GALNT17: variants seen among roughly 807,000 people sequenced by gnomAD.
GALNT17 encodes polypeptide N-acetylgalactosaminyltransferase 17.
A neutral mutation model predicts 63.7 loss-of-function variants in GALNT17; 29 were observed. The observed-to-expected ratio is 0.46, with a 90% CI of 0.34 to 0.62. GALNT17 has a LOEUF of 0.62. GALNT17 is among the 20% of genes least tolerant of loss of function. The pLI is 0.01. For synonymous variants in GALNT17, 305 were observed against 318.3 expected, an observed-to-expected ratio of 0.96 and a Z score of 0.45; for missense variants, 603 against 799.6, an observed-to-expected ratio of 0.75 and a Z score of 2.97.
At position 71,620,283 on chromosome 7, in the gene GALNT17, C is replaced by G. The variant is rs1790271803; in HGVS notation, c.1081-45128C>G. Among the ~76,000 whole-genome samples, 6 of 152,272 alleles carry G rather than the reference C, an allele frequency of 3.9e-5. No homozygotes were observed. In the South Asian group the frequency reaches 1.0e-3, roughly 26 times the overall value. ...TTGCATCTCTGCCAGATTTTGGTAT[C>G]AGGCTGATGCTGGTTTCATAGAATG... is the stretch of plus-strand genomic sequence containing the variant. On this transcript the variant is annotated intron_variant, in intron 6 of 10. Transcript: ENST00000333538.
chr7:71,589,530 A>C (rs1274894707), intron 6 of GALNT17, among the ~76,000 whole-genome samples: 1 of 152,076 alleles, frequency 6.6e-6, no homozygotes, highest in Non-Finnish European at 1.5e-5. Flanking sequence ...TATAATCATA[A>C]CACTACACTC....
chr7:71,179,476 AC>A (rs1788698480), intron 1 of GALNT17, among the ~76,000 whole-genome samples: 1 of 152,180 alleles, frequency 6.6e-6, no homozygotes, highest in Non-Finnish European at 1.5e-5. Context: ...GGCAGAATAA[AC>A]TTTCTAAATA....
At chr7:71,224,473 G>A (rs1409471546) in intron 1 of GALNT17, among the ~76,000 whole-genome samples, 1 of 152,144 alleles carries the variant, frequency 6.6e-6, no homozygotes, top group Non-Finnish European at 1.5e-5. Flanking sequence ...GTTTGAGAGA[G>A]TGCTTCCAGT....
chr7:71,205,514 C>G (rs1789256472), intron 1 of GALNT17, among the ~76,000 whole-genome samples: 1 of 152,130 alleles, frequency 6.6e-6, no homozygotes. Context: ...CCTCGAACTC[C>G]TGGGCTCAAG....
intron 5 of GALNT17, among the ~76,000 whole-genome samples, chr7:71,435,666 G>A (rs997674959): frequency 1.5e-4 from 23 of 152,054 alleles, no homozygotes; most frequent in African/African-American, 5.1e-4. Flanking sequence ...TTTCATCTCC[G>A]ACCCAACCAA....
At chr7:71,332,816 C>T (rs901984800) in intron 1 of GALNT17, among the ~76,000 whole-genome samples, 2 of 152,022 alleles carry the variant, frequency 1.3e-5, no homozygotes, top group Non-Finnish European at 2.9e-5. Context: ...CTCAGCCTCC[C>T]GAGTAGCTGG....
intron 1 of GALNT17, among the ~76,000 whole-genome samples, chr7:71,204,515 C>T (rs893622400): frequency 2.6e-5 from 4 of 151,370 alleles, no homozygotes; most frequent in South Asian, 2.1e-4. Context: ...AATATTAATT[C>T]TTTCAATTTT....
intron 5 of GALNT17, among the ~76,000 whole-genome samples, chr7:71,568,296 G>A (rs578001666): frequency 6.6e-6 from 1 of 152,336 alleles, no homozygotes; most frequent in Admixed American, 6.5e-5. Context: ...CAGTCGTTCA[G>A]TGGAGATGGT....
intron 2 of GALNT17, among the ~76,000 whole-genome samples, chr7:71,339,477 G>A (rs1183235797): frequency 1.3e-5 from 2 of 152,090 alleles, no homozygotes; most frequent in African/African-American, 4.8e-5. Context: ...ACCTGAGGTC[G>A]GGAGTTCGAG....
intron 5 of GALNT17, among the ~76,000 whole-genome samples, chr7:71,453,332 G>A (rs1203889779): frequency 6.6e-6 from 1 of 152,168 alleles, no homozygotes; most frequent in African/African-American, 2.4e-5. Context: ...ATATAACTGA[G>A]ACTAGGAAAT....
chr7:71,588,923 A>C (rs1789759125), intron 6 of GALNT17, among the ~76,000 whole-genome samples: 1 of 152,182 alleles, frequency 6.6e-6, no homozygotes. Flanking sequence ...TGATTGTCAA[A>C]GCTAAACTAT....
At chr7:71,318,139 C>T (rs1350188086) in intron 1 of GALNT17, among the ~76,000 whole-genome samples, 1 of 152,094 alleles carries the variant, frequency 6.6e-6, no homozygotes, top group Non-Finnish European at 1.5e-5. Context: ...CTCCTGGCCT[C>T]AAGTGATCTT....
chr7:71,663,430 C>T (rs1790937520), intron 6 of GALNT17, among the ~76,000 whole-genome samples: 1 of 152,194 alleles, frequency 6.6e-6, no homozygotes, highest in African/African-American at 2.4e-5. Context: ...TTGTTTTACT[C>T]TCTAAGACAC....
chr7:71,644,231 G>A (rs1007776668), intron 6 of GALNT17, among the ~76,000 whole-genome samples: 12 of 151,282 alleles, frequency 7.9e-5, no homozygotes, highest in African/African-American at 2.4e-4. Context: ...GTGACATACC[G>A]ATTCCACAGA....
intron 1 of GALNT17, among the ~76,000 whole-genome samples, chr7:71,168,778 T>C (rs1788493682): frequency 6.6e-6 from 1 of 152,020 alleles, no homozygotes; most frequent in African/African-American, 2.4e-5. Flanking sequence ...GTTTCAAATA[T>C]ACAGTATTAA....
chr7:71,535,799 T>C (rs1035378480), intron 5 of GALNT17, among the ~76,000 whole-genome samples: 5 of 152,210 alleles, frequency 3.3e-5, no homozygotes, highest in African/African-American at 9.6e-5. Flanking sequence ...CTGGGCCAAG[T>C]GTCAAGATCC....
intron 2 of GALNT17, among the ~76,000 whole-genome samples, chr7:71,380,954 C>T (rs1792834327): frequency 2.0e-5 from 3 of 150,990 alleles, no homozygotes; most frequent in Non-Finnish European, 4.4e-5. Context: ...CTGGGAGGAG[C>T]CTGGGGTTTT....
At chr7:71,431,248 G>A (rs1167984286) in intron 5 of GALNT17, among the ~76,000 whole-genome samples, 1 of 112,928 alleles carries the variant, frequency 8.9e-6, no homozygotes, top group Non-Finnish European at 1.7e-5. Context: ...GTCTTGCCCT[G>A]TCACCCAGGC....
At position 71,420,910 on chromosome 7, in the gene GALNT17, C is replaced by T; in HGVS notation, c.767C>T (p.Ala256Val). The T allele has an allele frequency of 6.2e-7, 1 of 1,614,094 alleles. No homozygotes were observed. Among genetic ancestry groups the T allele is most frequent in the Non-Finnish European group, 8.5e-7 (1 of 1,180,006 alleles). ...DAHVEFTAGW[A>V]EPVLSRIQEN... ...ATGTCTATTTCTCTATGTTTCAGGGCTGAGCCGGTTCTATCCCGCATCCAG... is the reference window on the plus strand; with the variant it reads ...ATGTCTATTTCTCTATGTTTCAGGGTTGAGCCGGTTCTATCCCGCATCCAG... Residue 256 changes from alanine (A) to valine (V), a missense_variant and splice_region_variant, in exon 5 of 11, where the codon GCT (alanine) becomes GTT (valine). Ala to Val is a moderately conservative substitution (Grantham distance 64). Around this residue, in one of 3 missense-constraint regions of GALNT17, gnomAD observed 336 missense variants for 507.8 expected, o/e 0.66. Coordinates refer to ENST00000333538, the MANE Select transcript of GALNT17 (RefSeq NM_022479.3).
Sources: allele counts gnomAD v4.1 joint callset (sites outside exome capture counted in the v4.1 genomes callset), GRCh38; gene constraint gnomAD v4.1.1; regional missense constraint gnomAD v4.1.1; transcripts MANE v1.5; gene names NCBI Gene and HGNC (gene_info 2026-07-23, HGNC 2026-07-21).